Variants in DAPK1 observed in about 807,000 individuals in gnomAD.
DAPK1 encodes the protein death-associated protein kinase 1.
Under a neutral mutation model 144.9 loss-of-function variants are expected in DAPK1, and 56 were observed. The observed-to-expected ratio is 0.39, with a 90% CI of 0.31 to 0.48. The LOEUF (loss-of-function observed/expected upper bound fraction) is 0.48, where lower values mean the gene tolerates loss of function less well. DAPK1 is among the 20% of genes least tolerant of loss of function. DAPK1 has a pLI of 0.95. For synonymous variants in DAPK1, 690 were observed against 749.0 expected (o/e 0.92, Z 1.29); for missense variants, 1,454 against 1,875.4 (o/e 0.78, Z 4.15).
intron 22 of DAPK1, among the ~76,000 whole-genome samples, chr9:87,697,952 CA>C (rs1230805938): frequency 4.7e-5 from 7 of 149,790 alleles, no homozygotes; most frequent in Admixed American, 4.0e-4. Flanking sequence ...GACCCTGTCT[CA>C]AAAAAAAAGA....
intron 2 of DAPK1, among the ~76,000 whole-genome samples, chr9:87,571,734 G>A (rs73494370): frequency 0.024 from 3,601 of 152,260 alleles, 142 homozygotes; most frequent in African/African-American, 0.08. Flanking sequence ...CGGGCAGTGC[G>A]TGCGTGCCAA....
intron 18 of DAPK1, among the ~76,000 whole-genome samples, chr9:87,666,196 C>T (rs1019791093): frequency 6.6e-6 from 1 of 152,134 alleles, no homozygotes; most frequent in Admixed American, 6.5e-5. Flanking sequence ...TTTTCTCTCA[C>T]CTGCTCAAGA....
At chr9:87,622,005 G>GAGC (rs1829311602) in intron 3 of DAPK1, among the ~76,000 whole-genome samples, 4 of 151,092 alleles carry the variant, frequency 2.6e-5, no homozygotes, top group African/African-American at 9.7e-5. Context: ...GACTTGGGAT[G>GAGC]CACATTGAGC....
chr9:87,560,947 T>C (rs1394100650), intron 2 of DAPK1, among the ~76,000 whole-genome samples: 3 of 152,066 alleles, frequency 2.0e-5, no homozygotes, highest in African/African-American at 7.2e-5. Context: ...ATTACCAGTG[T>C]GAGCCACCGC....
At chr9:87,571,473 A>ACACACACCCCAACACACACACACACCCC (rs377253457) in intron 2 of DAPK1, among the ~76,000 whole-genome samples, 1 of 57,620 alleles carries the variant, frequency 1.7e-5, no homozygotes, top group Non-Finnish European at 3.1e-5. Flanking sequence ...ACACACACAC[A>ACACACACCCCAACACACACACACACCCC]CCAACACACA....
At chr9:87,534,676 G>A (rs574047066) in intron 2 of DAPK1, among the ~76,000 whole-genome samples, 4 of 147,832 alleles carry the variant, frequency 2.7e-5, no homozygotes, top group African/African-American at 1.0e-4. Flanking sequence ...ACGGAGTCTC[G>A]CTCTGTCACC....
In DAPK1 at chr9:87,706,400, A is replaced by G. The variant is rs780505210; in HGVS notation, c.3329A>G (p.Asp1110Gly). 1 of 1,612,598 alleles carries G rather than the reference A, an allele frequency of 6.2e-7. No homozygotes were observed. The highest frequency in any genetic ancestry group is 8.5e-7 in the Non-Finnish European group (1 of 1,179,286). The change falls in exon 26 of 26, where the codon GAC becomes GGC. Residue 1110 changes from aspartate to glycine, a missense_variant. Coordinates refer to ENST00000408954, the MANE Select transcript of DAPK1 (RefSeq NM_004938.4). This position sits in a 1 kb window ranked among gnomAD's most constrained non-coding sequence, Gnocchi z 9.0. ...GACGTCCCAGCCCTGATCAAGACAG[A>G]CAACCTGCACCGCTCCTGGGCTGAT... is the stretch of plus-strand genomic sequence containing the variant. Reference protein sequence around the residue: ...MVDVPALIKTDNLHRSWADEE... With the variant: ...MVDVPALIKTGNLHRSWADEE...
intron 3 of DAPK1, among the ~76,000 whole-genome samples, chr9:87,634,867 A>G (rs939497678): frequency 2.6e-5 from 4 of 152,116 alleles, no homozygotes; most frequent in African/African-American, 9.7e-5. Context: ...CCCCAACGCC[A>G]AAGAACCTGC....
intron 2 of DAPK1, among the ~76,000 whole-genome samples, chr9:87,576,955 C>A (rs1330490189): frequency 6.6e-6 from 1 of 152,226 alleles, no homozygotes; most frequent in East Asian, 1.9e-4. Context: ...TATGGAAACA[C>A]AGGATCCAGC....
chr9:87,497,870 T>G lies in DAPK1; in HGVS notation c.-346T>G. 1 of 392,614 alleles carries G rather than the reference T, an allele frequency of 2.5e-6. No individual in the cohort carries two copies. The highest frequency in any genetic ancestry group is 4.5e-6 in the Non-Finnish European group (1 of 222,708). The allele number at this position is 392,614 out of a possible 1,614,324, so 24.3% of individuals were successfully genotyped here. A position where few individuals can be genotyped will look rare whatever the true frequency, so the allele number is the denominator to read the frequency against. ...GGCGGCAAGGAGCCGAGAGGCTGCT[T>G]CGGAGTGTGAGGAGGACAGCCGGAC... On this transcript the variant is annotated 5_prime_UTR_variant, in exon 1 of 26. Coordinates refer to ENST00000408954, the MANE Select transcript of DAPK1 (RefSeq NM_004938.4).
At chr9:87,672,377 G>T (rs1173352431) in intron 19 of DAPK1, among the ~76,000 whole-genome samples, 4 of 152,164 alleles carry the variant, frequency 2.6e-5, no homozygotes. Flanking sequence ...ACTAATCAGT[G>T]CAGACCTGAG....
intron 14 of DAPK1, 73 bp downstream of exon 14, chr9:87,647,476 C>A: frequency 7.8e-7 from 1 of 1,275,056 alleles, no homozygotes; most frequent in Non-Finnish European, 1.1e-6. Flanking sequence ...TGCTGGCCTA[C>A]CGTGTGCATC....
At chr9:87,596,802 C>T (rs1393680861) in intron 2 of DAPK1, among the ~76,000 whole-genome samples, 4 of 152,204 alleles carry the variant, frequency 2.6e-5, no homozygotes, top group Non-Finnish European at 5.9e-5. Flanking sequence ...GCATAACAAA[C>T]CACTCCAAAA....
intron 2 of DAPK1, among the ~76,000 whole-genome samples, chr9:87,543,276 A>G (rs1826121490): frequency 6.6e-6 from 1 of 152,248 alleles, no homozygotes; most frequent in Non-Finnish European, 1.5e-5. Context: ...AAAAGGCAAG[A>G]AGGAGACCTT....
intron 2 of DAPK1, among the ~76,000 whole-genome samples, chr9:87,510,856 GTCA>G (rs1268976063): frequency 2.0e-5 from 3 of 151,890 alleles, no homozygotes; most frequent in African/African-American, 7.3e-5. Context: ...AATGGGGATA[GTCA>G]TCACGGCTAA....
rs546740304 is a variant in DAPK1, at chr9:87,547,923, A to G, written c.62+48784A>G. 2.6e-3 allele frequency among the ~76,000 whole-genome samples: 397 copies of G among 152,282 alleles called. 2 individuals carry two copies. Among genetic ancestry groups the G allele is most frequent in the African/African-American group, 9.1e-3 (379 of 41,574 alleles). Reference sequence around the variant, plus strand: ...CATCTAGAATAATGTTTGGCCACATATCTGTGTCCAGGGCCCAGTCAGGTT... The same window carrying G: ...CATCTAGAATAATGTTTGGCCACATGTCTGTGTCCAGGGCCCAGTCAGGTT... On this transcript the variant is annotated intron_variant, in intron 2 of 25. Transcript: ENST00000408954.
intron 2 of DAPK1, among the ~76,000 whole-genome samples, chr9:87,507,990 G>A (rs1016927621): frequency 1.3e-5 from 2 of 152,158 alleles, no homozygotes; most frequent in Non-Finnish European, 2.9e-5. Flanking sequence ...TTAGTTCATT[G>A]CTTTTACTTT....
intron 2 of DAPK1, among the ~76,000 whole-genome samples, chr9:87,571,668 C>G (rs983642391): frequency 3.9e-5 from 6 of 152,204 alleles, no homozygotes; most frequent in Non-Finnish European, 8.8e-5. Context: ...CAGCAGTCCA[C>G]CTTCAGCTGA....
chr9:87,596,751 C>G (rs961276093), intron 2 of DAPK1, among the ~76,000 whole-genome samples: 1 of 152,228 alleles, frequency 6.6e-6, no homozygotes, highest in African/African-American at 2.4e-5. Context: ...GTTAAACCCA[C>G]CATCCCAGAT....
Sources: allele counts gnomAD v4.1 joint callset (sites outside exome capture counted in the v4.1 genomes callset), GRCh38; gene constraint gnomAD v4.1.1; non-coding constraint Gnocchi (gnomAD v3.1); transcripts MANE v1.5; gene names NCBI Gene and HGNC (gene_info 2026-07-23, HGNC 2026-07-21).